Variants in HPSE2 observed in about 807,000 individuals in gnomAD.
HPSE2 encodes inactive heparanase-2.
A neutral mutation model predicts 60.5 loss-of-function variants in HPSE2; 38 were observed. That is an observed-to-expected ratio of 0.63 (90% CI 0.48 to 0.82). The LOEUF (loss-of-function observed/expected upper bound fraction) is 0.82. Ranked by LOEUF, HPSE2 falls within the 40% of genes least tolerant of loss-of-function variation. The probability of loss-of-function intolerance (pLI) is 0.00; values close to 1 mark genes in which losing one functional copy is unlikely to be tolerated. For missense variants in HPSE2, 713 were observed against 740.4 expected (o/e 0.96, Z 0.43); for synonymous variants, 295 against 293.2 (o/e 1.01, Z -0.06).
the HPSE2 span, among the ~76,000 whole-genome samples, chr10:99,269,157 C>CA: frequency 3.7e-3 from 495 of 134,220 alleles, 4 homozygotes; most frequent in Middle Eastern, 0.011. Flanking sequence ...GAGACTTCGT[C>CA]AAAAAAAAAA....
chr10:98,975,104 C>T (rs1009670125), intron 3 of HPSE2, among the ~76,000 whole-genome samples: 1 of 152,184 alleles, frequency 6.6e-6, no homozygotes, highest in East Asian at 1.9e-4. Flanking sequence ...TTTTCTTCCG[C>T]CTTATTTCCT....
At chr10:99,142,175 TC>T (rs1345796366) in intron 3 of HPSE2, among the ~76,000 whole-genome samples, 1 of 152,134 alleles carries the variant, frequency 6.6e-6, no homozygotes, top group East Asian at 1.9e-4. Context: ...ATTTGAGAGG[TC>T]CCTGCCCCTT....
chr10:98,513,402 G>T (rs1353482215), intron 9 of HPSE2, among the ~76,000 whole-genome samples: 3 of 152,198 alleles, frequency 2.0e-5, no homozygotes, highest in Non-Finnish European at 4.4e-5. Context: ...TACAATGGGG[G>T]AGATGCTCAA....
intron 7 of HPSE2, among the ~76,000 whole-genome samples, chr10:98,635,146 G>T (rs1946463857): frequency 6.6e-6 from 1 of 152,160 alleles, no homozygotes; most frequent in African/African-American, 2.4e-5. Context: ...TTCTAAGAAT[G>T]TTACAAATAG....
intron 3 of HPSE2, among the ~76,000 whole-genome samples, chr10:98,951,011 C>G (rs1391003343): frequency 6.6e-6 from 1 of 152,100 alleles, no homozygotes; most frequent in Non-Finnish European, 1.5e-5. Context: ...GATGACAATC[C>G]AAGATAGGCC....
intron 11 of HPSE2, among the ~76,000 whole-genome samples, chr10:98,479,144 A>G (rs1038047693): frequency 3.3e-5 from 5 of 152,196 alleles, no homozygotes; most frequent in African/African-American, 1.2e-4. Flanking sequence ...GTCCTCGAGC[A>G]ATCAAAGAAG....
intron 3 of HPSE2, among the ~76,000 whole-genome samples, chr10:99,109,944 T>C (rs991663880): frequency 3.3e-5 from 5 of 151,948 alleles, no homozygotes; most frequent in Non-Finnish European, 5.9e-5. Flanking sequence ...CTGGAGTCAG[T>C]GATGTGAGGT....
chr10:99,146,717 T>C (rs1378670954), intron 2 of HPSE2, among the ~76,000 whole-genome samples: 1 of 151,932 alleles, frequency 6.6e-6, no homozygotes, highest in African/African-American at 2.4e-5. Context: ...AAAAATTAGC[T>C]GGGCGTGGTG....
chr10:99,239,705 C>G (rs951370393), upstream of HPSE2, among the ~76,000 whole-genome samples: 1 of 151,804 alleles, frequency 6.6e-6, no homozygotes, highest in Non-Finnish European at 1.5e-5. Flanking sequence ...GATGGAATTA[C>G]AGGCATGAGC....
At chr10:99,250,505 C>T in the HPSE2 span, among the ~76,000 whole-genome samples, 1 of 152,242 alleles carries the variant, frequency 6.6e-6, no homozygotes, top group Non-Finnish European at 1.5e-5. Context: ...CCAATTATAC[C>T]TAGTAGACAT....
intron 3 of HPSE2, among the ~76,000 whole-genome samples, chr10:98,950,313 C>T (rs1454495651): frequency 2.0e-5 from 3 of 152,122 alleles, no homozygotes; most frequent in Non-Finnish European, 4.4e-5. Context: ...CACCCACACA[C>T]AAGGATTACC....
chr10:99,232,461 A>C lies in HPSE2; in HGVS notation c.335T>G (p.Phe112Cys), dbSNP rs1849687550. Reference protein sequence around the residue: ...VTLARGLSPAFLRFGGKRTDF... With the variant: ...VTLARGLSPACLRFGGKRTDF... ...GGTCCTTTTGCCCCCGAAGCGCAGA[A>C]AGGCGGGCGAAAGTCCCCGGGCCAG... Residue 112 changes from phenylalanine to cysteine, a missense_variant, in exon 2 of 12, where the codon TTT (phenylalanine) becomes TGT (cysteine). By Grantham distance (205) the Phe-to-Cys change is radical. Transcript: ENST00000370552. 6.4e-7 allele frequency: 1 copy of C among 1,557,874 alleles called. No homozygotes were observed. The highest frequency in any genetic ancestry group is 1.4e-5 in the African/African-American group (1 of 73,406).
At chr10:98,997,655 G>A (rs1177772707) in intron 3 of HPSE2, among the ~76,000 whole-genome samples, 1 of 152,160 alleles carries the variant, frequency 6.6e-6, no homozygotes, top group East Asian at 1.9e-4. Context: ...CTTATCTGAA[G>A]GAATCCTAAG....
rs772254713 is a variant in HPSE2, at chr10:99,214,757, AC to A, written c.448+17590del. ...TAAACAAATTTACAAGAAAAAAAAA[AC>A]CATCAAAAAGTGGGTGAAGGATATG... On this transcript the variant is annotated intron_variant, in intron 2 of 11. Coordinates refer to ENST00000370552, the MANE Select transcript of HPSE2 (RefSeq NM_021828.5). 1.4e-3 allele frequency among the ~76,000 whole-genome samples: 206 copies of A among 152,016 alleles called. 1 individual carries two copies. Among genetic ancestry groups the A allele is most frequent in the Non-Finnish European group, 6.6e-4 (45 of 67,912 alleles).
intron 3 of HPSE2, among the ~76,000 whole-genome samples, chr10:99,016,227 T>C (rs547187723): frequency 1.3e-5 from 2 of 152,308 alleles, no homozygotes; most frequent in East Asian, 3.9e-4. Flanking sequence ...TAAGGAAAGG[T>C]TCCAGTTTTA....
At chr10:99,112,428 T>TTTTGTTTTGC (rs1245201507) in intron 3 of HPSE2, among the ~76,000 whole-genome samples, 1 of 148,394 alleles carries the variant, frequency 6.7e-6, no homozygotes, top group African/African-American at 2.5e-5. Context: ...TTTTGTTTTG[T>TTTTGTTTTGC]TTTGTTTTGT....
chr10:98,802,418 C>T (rs1403077165), intron 3 of HPSE2, among the ~76,000 whole-genome samples: 2 of 150,776 alleles, frequency 1.3e-5, no homozygotes, highest in Admixed American at 1.3e-4. Context: ...GTGCTGCACC[C>T]ATTAACTCGT....
At chr10:98,833,707 GACT>G (rs1189798146) in intron 3 of HPSE2, among the ~76,000 whole-genome samples, 1 of 152,116 alleles carries the variant, frequency 6.6e-6, no homozygotes, top group Non-Finnish European at 1.5e-5. Context: ...TAGGCACAGA[GACT>G]ACATTTCCCA....
the HPSE2 span, among the ~76,000 whole-genome samples, chr10:99,286,306 G>A: frequency 6.6e-6 from 1 of 152,148 alleles, no homozygotes; most frequent in African/African-American, 2.4e-5. Flanking sequence ...AACCTAGAAG[G>A]TGAATATGAT....
Sources: gnomAD v4.1 joint callset for allele counts (sites outside exome capture counted in the v4.1 genomes callset) on GRCh38, gnomAD v4.1.1 for gene constraint, MANE v1.5 for transcripts, NCBI Gene and HGNC (gene_info 2026-07-23, HGNC 2026-07-21) for gene names.